Variants in DUOX1 observed in about 807,000 individuals in gnomAD.
The protein encoded by DUOX1 is dual oxidase 1.
A neutral mutation model predicts 181.8 loss-of-function variants in DUOX1; 134 were observed. That is an observed-to-expected ratio of 0.74 (90% CI 0.64 to 0.85). The LOEUF (loss-of-function observed/expected upper bound fraction) is 0.85, where lower values mean the gene tolerates loss of function less well. Among genes scored for constraint, DUOX1 ranks in the 40% least tolerant of loss-of-function variants. The pLI is 0.00. For synonymous variants in DUOX1, 798 were observed against 832.5 expected (o/e 0.96, Z 0.71); for missense variants, 1,814 against 2,064.4 (o/e 0.88, Z 2.35).
chr15:45,141,506 T>G, intron 14 of DUOX1, 96 bp downstream of exon 14: 2 of 1,342,354 alleles, frequency 1.5e-6, no homozygotes, highest in Non-Finnish European at 1.1e-6. Flanking sequence ...CGTCAATCTC[T>G]GTGCTCCAAG....
rs746318476 is a variant in DUOX1, at chr15:45,153,382, T to G, written c.3427T>G (p.Leu1143Val). The G allele has an allele frequency of 6.2e-7, 1 of 1,613,962 alleles. No individual in the cohort carries two copies. Reference sequence around the variant, plus strand: ...CCACTTGGTCTGCTCTTCCTTAGTCTTACACAGTGTGGGCCATGTGGTGAA... The same window carrying G: ...CCACTTGGTCTGCTCTTCCTTAGTCGTACACAGTGTGGGCCATGTGGTGAA... Reference protein sequence around the residue: ...IASTAIVLTVLHSVGHVVNVY... With the variant: ...IASTAIVLTVVHSVGHVVNVY... Residue 1143 changes from leucine (L) to valine (V), a missense_variant and splice_region_variant, in exon 26 of 34, where the codon TTA (leucine) becomes GTA (valine). Leu to Val is a conservative substitution (Grantham distance 32). Around this residue, in one of 5 missense-constraint regions of DUOX1, gnomAD observed 1,064 missense variants for 1,152.9 expected, o/e 0.92. Transcript: ENST00000389037.
At chr15:45,158,777 G>A (rs1897027582) in intron 28 of DUOX1, among the ~76,000 whole-genome samples, 1 of 148,658 alleles carries the variant, frequency 6.7e-6, no homozygotes, top group East Asian at 2.0e-4. Flanking sequence ...CTAGCTCTCT[G>A]TAGGGCCCAG....
chr15:45,150,781 C>A, intron 22 of DUOX1, 80 bp downstream of exon 22: 2 of 1,334,944 alleles, frequency 1.5e-6, no homozygotes, highest in Non-Finnish European at 2.1e-6. Context: ...GGATCAGGGC[C>A]ACCGCTAGCC....
intron 28 of DUOX1, among the ~76,000 whole-genome samples, chr15:45,157,116 G>A (rs956005519): frequency 7.2e-5 from 11 of 152,228 alleles, no homozygotes; most frequent in African/African-American, 1.9e-4. Flanking sequence ...TCTCTCAGGT[G>A]CAGTTCTGTC....
chr15:45,140,765 T>C, intron 12 of DUOX1, 130 bp from the exon 13 acceptor site: 1 of 870,150 alleles, frequency 1.1e-6, no homozygotes, highest in East Asian at 2.5e-5. Context: ...TAATAAGCAC[T>C]GTATAGGAGT....
At chr15:45,161,100 C>A in intron 29 of DUOX1, 110 bp downstream of exon 29, 2 of 1,503,754 alleles carry the variant, frequency 1.3e-6, no homozygotes, top group South Asian at 2.5e-5. Flanking sequence ...CTGGCAGGTG[C>A]CTTGGGTGGC....
chr15:45,147,361 C>T (rs1896680221), intron 18 of DUOX1, 72 bp from the exon 19 acceptor site: 1 of 1,552,890 alleles, frequency 6.4e-7, no homozygotes, highest in Non-Finnish European at 8.7e-7. Context: ...GTGGCTCCTA[C>T]AGGGCTCAGC....
intron 12 of DUOX1, 181 bp downstream of exon 12, chr15:45,139,780 G>T: frequency 1.3e-6 from 1 of 759,898 alleles, no homozygotes. Flanking sequence ...AGACCAGCAA[G>T]ATTTGGCTTT....
Position 45,134,257 on chromosome 15 carries a change from C to T in DUOX1, c.255C>T (p.Gly85=), listed in dbSNP as rs1353396537. The change falls in exon 4 of 34, where the codon GGC becomes GGT. Residue 85 remains glycine, a synonymous_variant. Coordinates refer to ENST00000389037, the MANE Select transcript of DUOX1 (RefSeq NM_175940.3). ...PRDLSNTISR[G]PAGLASLRNR... The stretch of plus-strand genomic sequence containing the variant: ...ACCTTAGCAACACCATCTCAAGGGG[C>T]CCTGCAGGGCTGGCCTCCCTGAGAA... The T allele has an allele frequency of 1.3e-6, 2 of 1,597,936 alleles. No individual in the cohort carries two copies. Among genetic ancestry groups the T allele is most frequent in the Admixed American group, 1.8e-5 (1 of 56,158 alleles).
In DUOX1 at chr15:45,139,529, C is replaced by G; in HGVS notation, c.1319C>G (p.Ala440Gly). Residue 440 changes from alanine to glycine, a missense_variant, in exon 12 of 34, where the codon GCA (alanine) becomes GGA (glycine). Around this residue, in one of 5 missense-constraint regions of DUOX1, gnomAD observed 1,064 missense variants for 1,152.9 expected, o/e 0.92. Transcript: ENST00000389037. ...LGLPSYTKARAALGLSPITRW... is the reference protein window; with the variant it reads ...LGLPSYTKARGALGLSPITRW... Reference sequence around the variant, plus strand: ...CTGCCCTCTTACACCAAGGCCAGGGCAGCACTGGGCTTGTCTCCCATTACC... The same window carrying G: ...CTGCCCTCTTACACCAAGGCCAGGGGAGCACTGGGCTTGTCTCCCATTACC... 4.3e-6 allele frequency: 7 copies of G among 1,613,148 alleles called. No homozygotes were observed. Among genetic ancestry groups the G allele is most frequent in the Non-Finnish European group, 5.9e-6 (7 of 1,179,708 alleles).
chr15:45,140,653 C>T, intron 12 of DUOX1: 1 of 420,856 alleles, frequency 2.4e-6, no homozygotes, highest in Non-Finnish European at 4.2e-6. Flanking sequence ...TGCGGATTGG[C>T]TGGCTGTTTT....
At chr15:45,140,103 T>C (rs927533150) in intron 12 of DUOX1, 2 of 1,316,526 alleles carry the variant, frequency 1.5e-6, no homozygotes, top group East Asian at 4.2e-5. Flanking sequence ...GCCGCACAAA[T>C]TGGTCAAGGA....
rs143304688 is a variant in DUOX1 at position 45,144,047 on chromosome 15, C to T, written c.1948C>T (p.Gln650Ter). The change falls in exon 17 of 34, where the codon CAA (glutamine) becomes TAA (stop). Residue 650 changes from glutamine to a stop codon, truncating the protein, a stop_gained. Transcript: ENST00000389037. LOFTEE classifies it high-confidence loss of function. ...LVGGMEALEW[Q>*]GHKEPCRPVL... is the part of the protein sequence containing the mutation. The stretch of plus-strand genomic sequence containing the variant: ...CTCTCTCCCCCTAGCTTTGGAATGG[C>T]AAGGCCACAAGGAGCCCTGCCGGCC... 1,880 of 1,613,946 alleles carry T rather than the reference C, an allele frequency of 1.2e-3. 6 individuals carry two copies. The highest frequency in any genetic ancestry group is 2.1e-3 in the Middle Eastern group (13 of 6,062).
intron 18 of DUOX1, 121 bp downstream of exon 18, chr15:45,145,201 G>T (rs765656140): frequency 8.6e-5 from 85 of 982,970 alleles, no homozygotes; most frequent in Non-Finnish European, 1.1e-4. Flanking sequence ...CAAGTCTATT[G>T]CAATTTTGGA....
Position 45,156,057 on chromosome 15 carries a change from CT to C in DUOX1, c.3702+129del, listed in dbSNP as rs1425013379. ...GCATCCTCTTCACTTCTCGACGTCC[CT>C]CTTTGAAGGTGGAGATGATAGTACA... On this transcript the variant is annotated intron_variant, in intron 28 of 33. Coordinates refer to ENST00000389037, the MANE Select transcript of DUOX1 (RefSeq NM_175940.3). The C allele has an allele frequency of 3.1e-6, 4 of 1,307,148 alleles. No homozygotes were observed. In the South Asian group the frequency reaches 5.5e-5, roughly 18 times the overall value. 81.0% of individuals were successfully genotyped at this position (1,307,148 alleles called of 1,614,324 possible).
At chr15:45,140,129 G>A in intron 12 of DUOX1, 1 of 1,096,818 alleles carries the variant, frequency 9.1e-7, no homozygotes, top group Non-Finnish European at 1.3e-6. Flanking sequence ...GTGCTGAACA[G>A]GGGTCCTGTT....
Position 45,150,665 on chromosome 15 carries a change from G to A in DUOX1, c.2852G>A (p.Cys951Tyr), listed in dbSNP as rs1361592662. 6.2e-7 allele frequency: 1 copy of A among 1,614,064 alleles called. No homozygotes were observed. The highest frequency in any genetic ancestry group is 2.2e-5 in the East Asian group (1 of 44,888). ...GTGCCTGAAGTCATCAAGGACCTCT[G>A]CCGGCGAGCCTCCTACATCAGCCAG... is the stretch of plus-strand genomic sequence containing the variant. ...VEVPEVIKDL[C>Y]RRASYISQDM... Residue 951 changes from cysteine to tyrosine, a missense_variant, in exon 22 of 34, where the codon TGC becomes TAC. Cys to Tyr is a radical substitution (Grantham distance 194, BLOSUM62 -2). This residue lies in a region of DUOX1 where 1,064 missense variants were observed against 1,152.9 expected (regional missense o/e 0.92). Coordinates refer to ENST00000389037, the MANE Select transcript of DUOX1 (RefSeq NM_175940.3).
At chr15:45,143,800 A>G (rs758916574) in intron 16 of DUOX1, among the ~76,000 whole-genome samples, 6 of 152,254 alleles carry the variant, frequency 3.9e-5, no homozygotes, top group Non-Finnish European at 7.3e-5. Context: ...AATTCATGCA[A>G]AGCACTTGGT....
intron 33 of DUOX1, 61 bp downstream of exon 33, chr15:45,163,979 C>T: frequency 1.3e-6 from 2 of 1,577,086 alleles, no homozygotes; most frequent in Non-Finnish European, 1.7e-6. Flanking sequence ...GAGCAAAGCT[C>T]CCAAACCTTC....
Sources: allele counts gnomAD v4.1 joint callset (sites outside exome capture counted in the v4.1 genomes callset), GRCh38; gene constraint gnomAD v4.1.1; regional missense constraint gnomAD v4.1.1; transcripts MANE v1.5; gene names NCBI Gene and HGNC (gene_info 2026-07-23, HGNC 2026-07-21).